ADGRV1: variants seen among roughly 807,000 people sequenced by gnomAD.
ADGRV1 encodes the protein G-protein coupled receptor 98.
In ADGRV1, 359 loss-of-function variants were observed where a neutral mutation model predicts 596.2. That is an observed-to-expected ratio of 0.60 (90% confidence interval 0.55 to 0.66). The LOEUF (loss-of-function observed/expected upper bound fraction) is 0.66. Ranked by LOEUF, ADGRV1 falls within the 30% of genes least tolerant of loss-of-function variation. The pLI, the probability that ADGRV1 is intolerant of heterozygous loss-of-function variation, is 0.00. For synonymous variants in ADGRV1, 2,681 were observed against 2,679.2 expected (o/e 1.00, Z -0.02); for missense variants, 7,274 against 7,575.6 (o/e 0.96, Z 1.48).
At chr5:90,609,471 A>G (rs1165436717) in intron 1 of ADGRV1, among the ~76,000 whole-genome samples, 1 of 151,936 alleles carries the variant, frequency 6.6e-6, no homozygotes, top group Non-Finnish European at 1.5e-5. Flanking sequence ...TTGCTTTTGA[A>G]AGTTGTAAAT....
intron 10 of ADGRV1, 128 bp downstream of exon 10, chr5:90,635,418 AG>A: frequency 1.3e-6 from 1 of 757,558 alleles, no homozygotes; most frequent in Non-Finnish European, 2.1e-6. Context: ...AGAAGCCTTC[AG>A]TATGTCATTT....
In ADGRV1 at chr5:90,728,905, C is replaced by T; in HGVS notation, c.10398C>T (p.Tyr3466=). 2 of 1,611,982 alleles carry T rather than the reference C, an allele frequency of 1.2e-6. No individual in the cohort carries two copies. The highest frequency in any genetic ancestry group is 1.8e-4 in the Middle Eastern group (1 of 5,430). ...VEALSSANDI[Y]LIFAENVFLG... is the part of the protein sequence containing the mutation. ...CTTTGTCTTCAGCCAATGATATTTA[C>T]CTAATATTTGCCGAAAATGTCTTTC... Residue 3466 remains tyrosine, a synonymous_variant, in exon 49 of 90, where the codon TAC becomes TAT. Transcript: ENST00000405460.
At chr5:91,046,341 T>C (rs1329832957) in intron 85 of ADGRV1, among the ~76,000 whole-genome samples, 7 of 152,048 alleles carry the variant, frequency 4.6e-5, no homozygotes, top group Non-Finnish European at 8.8e-5. Context: ...TGGAACAGAA[T>C]AGAGAACCTA....
At chr5:91,126,002 C>G (rs1274284619) in intron 87 of ADGRV1, among the ~76,000 whole-genome samples, 1 of 152,126 alleles carries the variant, frequency 6.6e-6, no homozygotes, top group Non-Finnish European at 1.5e-5. Context: ...CTTTCCATGC[C>G]CACTCTAGTT....
At chr5:90,977,815 T>G (rs1441238189) in intron 84 of ADGRV1, among the ~76,000 whole-genome samples, 1 of 152,196 alleles carries the variant, frequency 6.6e-6, no homozygotes, top group Non-Finnish European at 1.5e-5. Context: ...GGTATTTCAG[T>G]TGGTTGCTTG....
chr5:90,838,835 T>G (rs371871122), intron 77 of ADGRV1, among the ~76,000 whole-genome samples: 2 of 152,102 alleles, frequency 1.3e-5, no homozygotes, highest in South Asian at 4.1e-4. Context: ...ATACCAGCCT[T>G]GTTGATATAG....
intron 83 of ADGRV1, among the ~76,000 whole-genome samples, chr5:90,915,368 C>A (rs1041822395): frequency 6.6e-6 from 1 of 152,070 alleles, no homozygotes; most frequent in African/African-American, 2.4e-5. Context: ...TGTAGAATGA[C>A]TGGATTTTGA....
intron 87 of ADGRV1, among the ~76,000 whole-genome samples, chr5:91,145,112 C>A (rs959396371): frequency 2.6e-5 from 4 of 152,176 alleles, no homozygotes; most frequent in African/African-American, 9.7e-5. Flanking sequence ...TTTAAACATT[C>A]TTTTCTTTCC....
chr5:90,694,626 T>C lies in ADGRV1; in HGVS notation c.7870T>C (p.Trp2624Arg), dbSNP rs749643349. 2 of 1,613,640 alleles carry C rather than the reference T, an allele frequency of 1.2e-6. No individual in the cohort carries two copies. The highest frequency in any genetic ancestry group is 4.5e-5 in the East Asian group (2 of 44,886). Residue 2624 changes from tryptophan (W) to arginine (R), a missense_variant, in exon 33 of 90, where the codon TGG becomes CGG. This residue lies in a region of ADGRV1 where 3,643 missense variants were observed against 3,809.2 expected (regional missense o/e 0.96). Coordinates refer to ENST00000405460, the MANE Select transcript of ADGRV1 (RefSeq NM_032119.4). Reference protein sequence around the residue: ...GGSLGQVAVEWRVVGGTATEG... With the variant: ...GGSLGQVAVERRVVGGTATEG... ...CAGCTTAGGTCAAGTGGCAGTCGAA[T>C]GGCGTGTTGTTGGTGGAACAGCTAC...
At chr5:90,672,761 G>A in intron 22 of ADGRV1, 39 bp downstream of exon 22, 1 of 1,464,266 alleles carries the variant, frequency 6.8e-7, no homozygotes, top group Non-Finnish European at 9.2e-7. Context: ...AAGCCTCCTG[G>A]AAAGCTTTTC....
Position 91,031,067 on chromosome 5 carries a change from A to G in ADGRV1, c.18153-41380A>G, listed in dbSNP as rs1784444856. The G allele has an allele frequency of 1.1e-5, 17 of 1,494,526 alleles. No homozygotes were observed. In the South Asian group the frequency reaches 2.0e-4, roughly 17 times the overall value. The allele number at this position is 1,494,526 out of a possible 1,614,324, so 92.6% of individuals were successfully genotyped here. ...TGGCGATTGCAAATAACTGCCAATCATATAGGGATGATACAGTAGCTCAGT... is the reference window on the plus strand; with the variant it reads ...TGGCGATTGCAAATAACTGCCAATCGTATAGGGATGATACAGTAGCTCAGT... On this transcript the variant is annotated intron_variant, in intron 85 of 89. Coordinates refer to ENST00000405460, the MANE Select transcript of ADGRV1 (RefSeq NM_032119.4).
intron 85 of ADGRV1, 135 bp downstream of exon 85, chr5:90,985,657 CTAAT>C: frequency 1.7e-6 from 1 of 597,248 alleles, no homozygotes; most frequent in South Asian, 3.0e-5. Context: ...TCTGCTTACT[CTAAT>C]TACTCTTTTA....
intron 85 of ADGRV1, among the ~76,000 whole-genome samples, chr5:91,043,878 AT>A (rs57441034): frequency 1.3e-5 from 2 of 151,230 alleles, no homozygotes; most frequent in Non-Finnish European, 2.9e-5. Context: ...TTGCTGCTTT[AT>A]TTTTTTTAAA....
At chr5:90,703,139 C>A (rs1262109979) in intron 34 of ADGRV1, among the ~76,000 whole-genome samples, 1 of 152,016 alleles carries the variant, frequency 6.6e-6, no homozygotes, top group Non-Finnish European at 1.5e-5. Flanking sequence ...AGATTTGACA[C>A]CTTTCCTTTG....
chr5:90,757,327 C>T (rs1755941566), intron 57 of ADGRV1, among the ~76,000 whole-genome samples, 166 bp downstream of exon 57: 2 of 152,052 alleles, frequency 1.3e-5, no homozygotes, highest in African/African-American at 2.4e-5. Context: ...TATTAATGGG[C>T]ATAGGAAGAG....
chr5:90,668,534 T>C lies in ADGRV1; in HGVS notation c.4753-4012T>C, dbSNP rs535301034. 3.6e-3 allele frequency among the ~76,000 whole-genome samples: 553 copies of C among 152,146 alleles called. 2 individuals carry two copies. Among genetic ancestry groups the C allele is most frequent in the Middle Eastern group, 0.031 (9 of 294 alleles). ...CTGGCACTCCCTAGTGAGATGAACC[T>C]GGTACCTCTGATGGAAATGCAGAAA... On this transcript the variant is annotated intron_variant, in intron 21 of 89. Coordinates refer to ENST00000405460, the MANE Select transcript of ADGRV1 (RefSeq NM_032119.4).
At chr5:90,991,398 G>A (rs74398427) in intron 85 of ADGRV1, among the ~76,000 whole-genome samples, 1,609 of 152,246 alleles carry the variant, frequency 0.011, 27 homozygotes, top group African/African-American at 0.037. Flanking sequence ...AAAAAATTGC[G>A]TAACTTCATA....
chr5:91,000,197 TTCAC>T (rs1015812082), intron 85 of ADGRV1, among the ~76,000 whole-genome samples: 3 of 152,152 alleles, frequency 2.0e-5, no homozygotes, highest in African/African-American at 7.2e-5. Context: ...TCCTGCTTAT[TTCAC>T]TCAATGTTAT....
chr5:91,019,258 CA>C (rs1220122487), intron 85 of ADGRV1, among the ~76,000 whole-genome samples: 8 of 151,970 alleles, frequency 5.3e-5, no homozygotes, highest in Admixed American at 5.3e-4. Context: ...ACCAGAAGAA[CA>C]GGGAATAAAT....
Sources: gnomAD v4.1 joint callset for allele counts (sites outside exome capture counted in the v4.1 genomes callset) on GRCh38, gnomAD v4.1.1 for gene constraint, gnomAD v4.1.1 regional missense constraint, MANE v1.5 for transcripts, NCBI Gene and HGNC (gene_info 2026-07-23, HGNC 2026-07-21) for gene names.